The following ZFPM2 variants were observed in gnomAD, a reference collection of about 807,000 sequenced individuals.
The protein encoded by ZFPM2 is zinc finger protein ZFPM2.
ZFPM2 carries 20 observed loss-of-function variants against 98.6 expected under a neutral mutation model. The ratio of observed to expected loss-of-function variants is 0.20; its 90% CI spans 0.14 to 0.29. The LOEUF (loss-of-function observed/expected upper bound fraction) is 0.29. ZFPM2 is among the 10% of genes least tolerant of loss of function. The pLI is 1.00. For missense variants in ZFPM2, 1,310 were observed against 1,388.6 expected (o/e 0.94, Z 0.90); for synonymous variants, 518 against 502.7 (o/e 1.03, Z -0.41).
intron 1 of ZFPM2, among the ~76,000 whole-genome samples, chr8:105,327,154 T>A (rs1233954671): frequency 6.6e-6 from 1 of 151,408 alleles, no homozygotes; most frequent in Non-Finnish European, 1.5e-5. Flanking sequence ...GAAAAAAAGA[T>A]TTTTTAGCTA....
At chr8:105,665,158 A>G (rs1003677304) in intron 5 of ZFPM2, among the ~76,000 whole-genome samples, 45 of 152,238 alleles carry the variant, frequency 3.0e-4, no homozygotes, top group African/African-American at 9.6e-4. Context: ...AGGAATGCCA[A>G]TTAGCTTTTT....
intron 1 of ZFPM2, among the ~76,000 whole-genome samples, chr8:105,322,678 T>C (rs1812050002): frequency 6.6e-6 from 1 of 152,032 alleles, no homozygotes; most frequent in African/African-American, 2.4e-5. Context: ...TAATTTGTGG[T>C]GAAGTATAAT....
At chr8:105,432,099 A>G (rs1259310450) in intron 2 of ZFPM2, among the ~76,000 whole-genome samples, 1 of 152,078 alleles carries the variant, frequency 6.6e-6, no homozygotes, top group Non-Finnish European at 1.5e-5. Context: ...GAGACCAGGA[A>G]GGACAATGAT....
intron 5 of ZFPM2, among the ~76,000 whole-genome samples, chr8:105,653,302 G>T (rs779368332): frequency 4.6e-5 from 7 of 152,152 alleles, no homozygotes; most frequent in Non-Finnish European, 8.8e-5. Flanking sequence ...ATGAAATTTG[G>T]AGGTGGGGTG....
At chr8:105,685,197 G>A (rs1422130994) in intron 5 of ZFPM2, among the ~76,000 whole-genome samples, 3 of 152,096 alleles carry the variant, frequency 2.0e-5, no homozygotes, top group African/African-American at 4.8e-5. Context: ...GCATGTAGCT[G>A]TAGAGCATTT....
At chr8:105,692,931 C>T (rs540989542) in intron 5 of ZFPM2, among the ~76,000 whole-genome samples, 1 of 152,258 alleles carries the variant, frequency 6.6e-6, no homozygotes, top group South Asian at 2.1e-4. Context: ...AGAGCAATGA[C>T]ATTTTTTAAA....
intron 4 of ZFPM2, among the ~76,000 whole-genome samples, chr8:105,623,632 A>G (rs754669096): frequency 2.0e-5 from 3 of 152,188 alleles, no homozygotes; most frequent in Non-Finnish European, 4.4e-5. Context: ...TTCATGAAAG[A>G]TGGACACATC....
chr8:105,767,715 A>T (rs1001542486), intron 5 of ZFPM2, among the ~76,000 whole-genome samples: 1 of 151,838 alleles, frequency 6.6e-6, no homozygotes, highest in Admixed American at 6.6e-5. Context: ...TATAAAAAAA[A>T]TTTTTGGCTG....
chr8:105,734,638 T>G (rs545480549), intron 5 of ZFPM2, among the ~76,000 whole-genome samples: 1 of 152,032 alleles, frequency 6.6e-6, no homozygotes, highest in East Asian at 1.9e-4. Context: ...TATACTGTGG[T>G]TCTAAATATT....
At chr8:105,666,019 GTTAT>G (rs1477753938) in intron 5 of ZFPM2, among the ~76,000 whole-genome samples, 5 of 152,226 alleles carry the variant, frequency 3.3e-5, no homozygotes, top group African/African-American at 7.2e-5. Flanking sequence ...TGTATTAATT[GTTAT>G]TTGAGTTGAT....
chr8:105,731,389 C>T lies in ZFPM2; in HGVS notation c.533-57329C>T, dbSNP rs572352638. 2.2e-3 allele frequency among the ~76,000 whole-genome samples: 326 copies of T among 151,448 alleles called. 1 individual carries two copies. Among genetic ancestry groups the T allele is most frequent in the African/African-American group, 7.0e-3 (288 of 41,394 alleles). ...CAAGGTTAAAACTCTTGAAAATCAA[C>T]GAGAAGGAAGCATGCTATAATATCT... is the stretch of plus-strand genomic sequence containing the variant. On this transcript the variant is annotated intron_variant, in intron 5 of 7. Coordinates refer to ENST00000407775, the MANE Select transcript of ZFPM2 (RefSeq NM_012082.4).
chr8:105,445,983 T>A (rs1490864349), intron 3 of ZFPM2, among the ~76,000 whole-genome samples: 1 of 151,818 alleles, frequency 6.6e-6, no homozygotes, highest in Non-Finnish European at 1.5e-5. Context: ...TGCAGTGGCA[T>A]GATCTCGGCT....
chr8:105,630,411 T>G (rs1170913471), intron 4 of ZFPM2, among the ~76,000 whole-genome samples: 1 of 152,190 alleles, frequency 6.6e-6, no homozygotes, highest in Admixed American at 6.6e-5. Context: ...AGAAAGAAAT[T>G]GACTTACCTC....
chr8:105,673,564 C>T (rs1817637010), intron 5 of ZFPM2, among the ~76,000 whole-genome samples: 2 of 152,190 alleles, frequency 1.3e-5, no homozygotes. Context: ...AATTACATTT[C>T]CTTCCTTTGG....
intron 1 of ZFPM2, among the ~76,000 whole-genome samples, chr8:105,360,347 A>T (rs1812832608): frequency 6.6e-6 from 1 of 152,196 alleles, no homozygotes; most frequent in African/African-American, 2.4e-5. Context: ...ATTTTTACTC[A>T]CAGTAAAAAA....
At position 105,338,996 on chromosome 8, in the gene ZFPM2, C is replaced by T. The variant is rs183685187; in HGVS notation, c.40+20015C>T. The stretch of plus-strand genomic sequence containing the variant: ...AGTGGGGCAGGCATATCTCTCAGGA[C>T]TGGGGTTAGAACCTCAGGCTTTCTA... On this transcript the variant is annotated intron_variant, in intron 1 of 7. Transcript: ENST00000407775. Among the ~76,000 whole-genome samples the T allele has an allele frequency of 1.4e-3, 210 of 151,874 alleles. 1 individual carries two copies. The highest frequency in any genetic ancestry group is 3.4e-3 in the Middle Eastern group (1 of 294).
chr8:105,630,896 C>T (rs537823809), intron 4 of ZFPM2, among the ~76,000 whole-genome samples: 41 of 152,046 alleles, frequency 2.7e-4, no homozygotes, highest in Non-Finnish European at 5.3e-4. Context: ...CCTAAATTGC[C>T]CAAGACTTTT....
intron 3 of ZFPM2, among the ~76,000 whole-genome samples, chr8:105,463,679 T>G (rs1812744061): frequency 6.6e-6 from 1 of 152,088 alleles, no homozygotes. Flanking sequence ...GTCTTATTCA[T>G]CCAGGTGGCC....
At chr8:105,369,187 C>G (rs1810570429) in intron 1 of ZFPM2, among the ~76,000 whole-genome samples, 1 of 152,096 alleles carries the variant, frequency 6.6e-6, no homozygotes, top group Non-Finnish European at 1.5e-5. Context: ...ATGGATTTAT[C>G]TCAATATCAG....
Sources: gnomAD v4.1 joint callset for allele counts (sites outside exome capture counted in the v4.1 genomes callset) on GRCh38, gnomAD v4.1.1 for gene constraint, MANE v1.5 for transcripts, NCBI Gene and HGNC (gene_info 2026-07-23, HGNC 2026-07-21) for gene names.